PEMT: variants seen among roughly 807,000 people sequenced by gnomAD.
PEMT encodes the protein phosphatidylethanolamine N-methyltransferase.
Under a neutral mutation model 27.4 loss-of-function variants are expected in PEMT, and 23 were observed. The ratio of observed to expected loss-of-function variants is 0.84; its 90% confidence interval spans 0.60 to 1.19. PEMT has a LOEUF of 1.19. Among genes scored for constraint, PEMT ranks in the 50% most tolerant of loss-of-function variants. PEMT has a pLI of 0.00. For missense variants in PEMT, 307 were observed against 310.1 expected, an observed-to-expected ratio of 0.99 and a Z score of 0.07; for synonymous variants, 137 against 139.1, an observed-to-expected ratio of 0.98 and a Z score of 0.11.
At chr17:17,546,975 G>A (rs974972778) in intron 2 of PEMT, among the ~76,000 whole-genome samples, 4 of 152,246 alleles carry the variant, frequency 2.6e-5, no homozygotes, top group Non-Finnish European at 4.4e-5. Flanking sequence ...GCTGCCCATC[G>A]TCAGAAGAGC....
chr17:17,531,620 G>GA (rs1567689662), intron 2 of PEMT, among the ~76,000 whole-genome samples: 16 of 20,462 alleles, frequency 7.8e-4, no homozygotes, highest in South Asian at 1.4e-3. Context: ...GCTATCATAT[G>GA]CAAAAAAAAA....
Position 17,570,735 on chromosome 17 carries a change from C to T in PEMT, c.204+6185G>A. The T allele has an allele frequency of 3.0e-6, 3 of 985,444 alleles. No homozygotes were observed. The South Asian group carries it at 1.4e-4, about 46-fold the overall frequency. 61.0% of individuals were successfully genotyped at this position (985,444 alleles called of 1,614,324 possible). The stretch of plus-strand genomic sequence containing the variant: ...TTCCATTTCCTGGAAAACCTGGGGA[C>T]CTCTGAGCATGGCCCTCAAGGGTGG... On this transcript the variant is annotated intron_variant, in intron 2 of 6. Transcript: ENST00000255389.
At chr17:17,586,289 A>AAAGG (rs1491465188) in intron 1 of PEMT, among the ~76,000 whole-genome samples, 28 of 63,504 alleles carry the variant, frequency 4.4e-4, no homozygotes, top group African/African-American at 2.2e-3. Context: ...AGAAAGAAAG[A>AAAGG]AAAAAAAAAA....
At chr17:17,591,782 C>T (rs1912604374), upstream of PEMT, 3 of 1,427,470 alleles carry the variant, frequency 2.1e-6, no homozygotes, top group Non-Finnish European at 2.7e-6. Context: ...TCCCCGTCAC[C>T]GCGAAGTGCC....
chr17:17,533,987 C>A (rs930696408), intron 2 of PEMT, among the ~76,000 whole-genome samples: 2 of 152,102 alleles, frequency 1.3e-5, no homozygotes, highest in Non-Finnish European at 2.9e-5. Flanking sequence ...TCACCTCGGC[C>A]TCGCAAGGGA....
At chr17:17,563,572 A>G (rs1210197963) in intron 2 of PEMT, among the ~76,000 whole-genome samples, 1 of 152,236 alleles carries the variant, frequency 6.6e-6, no homozygotes, top group Non-Finnish European at 1.5e-5. Flanking sequence ...AGCAAAGATC[A>G]TTAATAGCAA....
chr17:17,578,788 G>A (rs1911791454), intron 1 of PEMT: 1 of 152,078 alleles, frequency 6.6e-6, no homozygotes, highest in Non-Finnish European at 1.5e-5. Flanking sequence ...GGGGCGGGGG[G>A]CTAGGGGAAG....
At chr17:17,554,898 G>A (rs559555130) in intron 2 of PEMT, among the ~76,000 whole-genome samples, 2 of 152,256 alleles carry the variant, frequency 1.3e-5, no homozygotes, top group South Asian at 2.1e-4. Context: ...TTACAGGCAC[G>A]AGCCATCGCG....
At chr17:17,570,703 G>A (rs1911137031) in intron 2 of PEMT, 4 of 985,322 alleles carry the variant, frequency 4.1e-6, no homozygotes, top group Non-Finnish European at 3.6e-6. Flanking sequence ...CCGGGACAGG[G>A]GAAAAGTTCC....
chr17:17,545,319 C>A (rs1909180470), intron 2 of PEMT, among the ~76,000 whole-genome samples: 1 of 152,236 alleles, frequency 6.6e-6, no homozygotes, highest in Non-Finnish European at 1.5e-5. Flanking sequence ...CAGGTCTGTC[C>A]AGGGTGTGCC....
Position 17,551,640 on chromosome 17 carries a change from C to T in PEMT, c.204+25280G>A, listed in dbSNP as rs185096887. 8.1e-4 allele frequency among the ~76,000 whole-genome samples: 123 copies of T among 152,238 alleles called. 1 individual carries two copies. Among genetic ancestry groups the T allele is most frequent in the African/African-American group, 2.9e-3 (119 of 41,520 alleles). ...AAGCAGCAGCAAAACAGGAGGGGCA[C>T]GGGACAGGCACCAGGCACCATAAGC... is the stretch of plus-strand genomic sequence containing the variant. On this transcript the variant is annotated intron_variant, in intron 2 of 6. Coordinates refer to ENST00000255389, the MANE Select transcript of PEMT (RefSeq NM_148172.3).
intron 1 of PEMT, among the ~76,000 whole-genome samples, chr17:17,580,724 C>A (rs929801025): frequency 6.6e-6 from 1 of 152,194 alleles, no homozygotes; most frequent in Non-Finnish European, 1.5e-5. Context: ...CAGCCAAAAC[C>A]TGGCCTCACC....
At position 17,562,660 on chromosome 17, in the gene PEMT, T is replaced by G. The variant is rs138431422; in HGVS notation, c.204+14260A>C. 3.9e-5 allele frequency among the ~76,000 whole-genome samples: 6 copies of G among 152,176 alleles called. No homozygotes were observed. The East Asian group carries it at 1.2e-3, about 29-fold the overall frequency. ...CTTGTCTCTACTAAAATTGCAAAAA[T>G]TAGCCGGGCATGGTGGCACACACTG... On this transcript the variant is annotated intron_variant, in intron 2 of 6. Coordinates refer to ENST00000255389, the MANE Select transcript of PEMT (RefSeq NM_148172.3).
At chr17:17,586,289 A>AAG (rs1912306086) in intron 1 of PEMT, among the ~76,000 whole-genome samples, 1 of 63,516 alleles carries the variant, frequency 1.6e-5, no homozygotes, top group South Asian at 3.8e-4. Context: ...AGAAAGAAAG[A>AAG]AAAAAAAAAA....
At chr17:17,539,403 G>A (rs969081505) in intron 2 of PEMT, among the ~76,000 whole-genome samples, 14 of 152,320 alleles carry the variant, frequency 9.2e-5, no homozygotes, top group African/African-American at 3.1e-4. Flanking sequence ...CTCCTGTCCT[G>A]TGTTCCATCC....
chr17:17,549,773 C>T (rs1377853769), intron 2 of PEMT, among the ~76,000 whole-genome samples: 1 of 152,236 alleles, frequency 6.6e-6, no homozygotes, highest in Non-Finnish European at 1.5e-5. Context: ...ACAATCTGTC[C>T]ATCCTCTTGG....
chr17:17,518,281 A>C, intron 3 of PEMT: 1 of 418,960 alleles, frequency 2.4e-6, no homozygotes, highest in Non-Finnish European at 3.2e-6. Flanking sequence ...CTGGCCATCC[A>C]CGCCTCGCCC....
intron 2 of PEMT, among the ~76,000 whole-genome samples, chr17:17,524,479 G>C (rs949523260): frequency 2.6e-4 from 39 of 152,030 alleles, no homozygotes; most frequent in African/African-American, 8.2e-4. Flanking sequence ...CAGGGGTGGG[G>C]GACACTGGGC....
chr17:17,567,259 A>G (rs1282421075), intron 2 of PEMT, among the ~76,000 whole-genome samples: 1 of 152,196 alleles, frequency 6.6e-6, no homozygotes, highest in Non-Finnish European at 1.5e-5. Context: ...ACTCCCAGCC[A>G]TCCTGGCACA....
Sources: allele counts gnomAD v4.1 joint callset (sites outside exome capture counted in the v4.1 genomes callset), GRCh38; gene constraint gnomAD v4.1.1; transcripts MANE v1.5; gene names NCBI Gene and HGNC (gene_info 2026-07-23, HGNC 2026-07-21).